CDH12: variants seen among roughly 807,000 people sequenced by gnomAD.
The protein encoded by CDH12 is cadherin 12.
Under a neutral mutation model 74.1 loss-of-function variants are expected in CDH12, and 41 were observed. The observed-to-expected ratio is 0.55, with a 90% CI of 0.43 to 0.72. CDH12 has a LOEUF of 0.72. Ranked by LOEUF, CDH12 falls within the 30% of genes least tolerant of loss-of-function variation. The probability of loss-of-function intolerance (pLI) is 0.00; values close to 1 mark genes in which losing one functional copy is unlikely to be tolerated. For missense variants in CDH12, 945 were observed against 977.2 expected (o/e 0.97, Z 0.44); for synonymous variants, 399 against 355.0 (o/e 1.12, Z -1.39).
chr5:22,688,698 A>C (rs1741934817), intron 1 of CDH12, among the ~76,000 whole-genome samples: 2 of 152,188 alleles, frequency 1.3e-5, no homozygotes, highest in African/African-American at 4.8e-5. Flanking sequence ...TGGATGAAAA[A>C]ATGTGCCAAA....
At chr5:21,772,415 T>A (rs1561171099) in intron 11 of CDH12, among the ~76,000 whole-genome samples, 1 of 152,160 alleles carries the variant, frequency 6.6e-6, no homozygotes, top group Admixed American at 6.5e-5. Flanking sequence ...TCTGAAATCC[T>A]GCATATTTTT....
chr5:22,289,982 C>A (rs1327331996), intron 3 of CDH12, among the ~76,000 whole-genome samples: 2 of 152,122 alleles, frequency 1.3e-5, no homozygotes, highest in African/African-American at 4.8e-5. Context: ...CTTGACAGCA[C>A]TCAGTGGCAG....
intron 8 of CDH12, among the ~76,000 whole-genome samples, chr5:21,835,514 T>C (rs1315454186): frequency 6.6e-6 from 1 of 151,752 alleles, no homozygotes; most frequent in African/African-American, 2.4e-5. Flanking sequence ...TATGGTAAAA[T>C]GTAACTGTCA....
chr5:21,924,972 A>G (rs566679254), intron 6 of CDH12, among the ~76,000 whole-genome samples: 1 of 152,332 alleles, frequency 6.6e-6, no homozygotes, highest in East Asian at 1.9e-4. Flanking sequence ...GGAGAATGCA[A>G]CATATTTAAT....
intron 3 of CDH12, among the ~76,000 whole-genome samples, chr5:22,389,454 C>G (rs1429932532): frequency 6.6e-6 from 1 of 152,058 alleles, no homozygotes; most frequent in Non-Finnish European, 1.5e-5. Context: ...CTAGAACATA[C>G]TAAAGATGTA....
chr5:22,712,819 C>A (rs1743357566), intron 1 of CDH12, among the ~76,000 whole-genome samples: 1 of 152,134 alleles, frequency 6.6e-6, no homozygotes, highest in Non-Finnish European at 1.5e-5. Context: ...CTCCAGAAAT[C>A]ATTTTCCCAA....
chr5:21,962,151 T>A (rs924512830), intron 6 of CDH12, among the ~76,000 whole-genome samples: 2 of 152,174 alleles, frequency 1.3e-5, no homozygotes, highest in Non-Finnish European at 2.9e-5. Flanking sequence ...TTGAAAACAC[T>A]GGCAATTATT....
intron 1 of CDH12, among the ~76,000 whole-genome samples, chr5:22,519,776 A>C (rs147437822): frequency 6.6e-6 from 1 of 152,254 alleles, no homozygotes; most frequent in Non-Finnish European, 1.5e-5. Context: ...TACTGTTCAG[A>C]TCCACAGTAT....
chr5:22,732,427 A>G (rs542434640), intron 1 of CDH12, among the ~76,000 whole-genome samples: 13 of 150,930 alleles, frequency 8.6e-5, no homozygotes, highest in Admixed American at 2.7e-4. Context: ...GAGACAATTC[A>G]GTCTATATAT....
At chr5:22,397,508 G>A (rs1002200048) in intron 3 of CDH12, among the ~76,000 whole-genome samples, 4 of 147,276 alleles carry the variant, frequency 2.7e-5, no homozygotes, top group East Asian at 2.0e-4. Context: ...AACAGAACAC[G>A]TATCATTGGC....
chr5:22,132,199 G>C (rs543178808), intron 4 of CDH12, among the ~76,000 whole-genome samples: 1 of 151,948 alleles, frequency 6.6e-6, no homozygotes, highest in Non-Finnish European at 1.5e-5. Context: ...TCCTTCCACT[G>C]TTGAGTGGAA....
At chr5:22,684,285 C>A (rs1261542950) in intron 1 of CDH12, among the ~76,000 whole-genome samples, 1 of 152,150 alleles carries the variant, frequency 6.6e-6, no homozygotes, top group African/African-American at 2.4e-5. Context: ...ATCCCTCAAG[C>A]ATTTATCCTT....
intron 1 of CDH12, among the ~76,000 whole-genome samples, chr5:22,698,479 A>G (rs922948408): frequency 6.6e-6 from 1 of 151,136 alleles, no homozygotes; most frequent in Non-Finnish European, 1.5e-5. Flanking sequence ...TCCCAGACTC[A>G]CTTAGTCATT....
intron 9 of CDH12, among the ~76,000 whole-genome samples, chr5:21,804,950 A>G (rs537677951): frequency 6.6e-6 from 1 of 152,234 alleles, no homozygotes; most frequent in East Asian, 1.9e-4. Flanking sequence ...AGGAACATAT[A>G]AAAATATGTT....
intron 5 of CDH12, among the ~76,000 whole-genome samples, chr5:22,059,981 A>T (rs1026278141): frequency 6.6e-6 from 1 of 152,150 alleles, no homozygotes; most frequent in African/African-American, 2.4e-5. Context: ...GAGAGGTTAT[A>T]TTTATCAAGA....
chr5:21,808,059 C>A (rs765357428), intron 9 of CDH12, among the ~76,000 whole-genome samples: 2 of 152,020 alleles, frequency 1.3e-5, no homozygotes, highest in Non-Finnish European at 2.9e-5. Flanking sequence ...GGAACTGAAA[C>A]CTGATATTTG....
At chr5:22,323,983 T>C (rs1186384922) in intron 3 of CDH12, among the ~76,000 whole-genome samples, 2 of 152,212 alleles carry the variant, frequency 1.3e-5, no homozygotes, top group Non-Finnish European at 2.9e-5. Context: ...AGAAATTATC[T>C]TAATAATTTA....
At chr5:22,712,774 G>A (rs1743353791) in intron 1 of CDH12, among the ~76,000 whole-genome samples, 1 of 152,040 alleles carries the variant, frequency 6.6e-6, no homozygotes, top group African/African-American at 2.4e-5. Flanking sequence ...TGTATAAGAG[G>A]TGAAGCTAGG....
At chr5:22,449,168 T>C (rs1025910401) in intron 2 of CDH12, among the ~76,000 whole-genome samples, 13 of 151,994 alleles carry the variant, frequency 8.6e-5, no homozygotes, top group African/African-American at 3.1e-4. Flanking sequence ...TGTACTGAAA[T>C]CCAACATAAG....
Sources: allele counts gnomAD v4.1 joint callset (sites outside exome capture counted in the v4.1 genomes callset), GRCh38; gene constraint gnomAD v4.1.1; transcripts MANE v1.5; gene names NCBI Gene and HGNC (gene_info 2026-07-23, HGNC 2026-07-21).